Variants in TET1 observed in about 807,000 individuals in gnomAD.
TET1 encodes tet methylcytosine dioxygenase 1.
In TET1, 13 loss-of-function variants were observed where a neutral mutation model predicts 148.7. The ratio of observed to expected loss-of-function variants is 0.09; its 90% CI spans 0.06 to 0.14. TET1 has a LOEUF of 0.14. Ranked by LOEUF, TET1 falls within the 10% of genes least tolerant of loss-of-function variation. TET1 has a pLI of 1.00. For synonymous variants in TET1, 907 were observed against 937.2 expected (o/e 0.97, Z 0.59); for missense variants, 2,182 against 2,553.8 (o/e 0.85, Z 3.14).
At chr10:68,678,791 T>G (rs1242709266) in intron 8 of TET1, among the ~76,000 whole-genome samples, 1 of 152,132 alleles carries the variant, frequency 6.6e-6, no homozygotes, top group Non-Finnish European at 1.5e-5. Context: ...GCTAAGTAAT[T>G]CCCTCTGTAT....
At chr10:68,564,352 T>C (rs982712292) in intron 1 of TET1, among the ~76,000 whole-genome samples, 1 of 152,116 alleles carries the variant, frequency 6.6e-6, no homozygotes, top group Admixed American at 6.5e-5. Context: ...ATTCACCATG[T>C]TGGCCAGGCT....
chr10:68,607,424 T>C (rs540920581), intron 3 of TET1, among the ~76,000 whole-genome samples: 1 of 152,158 alleles, frequency 6.6e-6, no homozygotes, highest in South Asian at 2.1e-4. Flanking sequence ...TTTTTTTGTT[T>C]TTTTTGTTTG....
chr10:68,663,782 G>A (rs1259222010), intron 6 of TET1, among the ~76,000 whole-genome samples: 1 of 152,148 alleles, frequency 6.6e-6, no homozygotes, highest in Admixed American at 6.5e-5. Flanking sequence ...TGGAAGGAGG[G>A]TAATTAAAAA....
intron 3 of TET1, among the ~76,000 whole-genome samples, chr10:68,624,120 G>A (rs1247761392): frequency 3.0e-5 from 4 of 131,708 alleles, no homozygotes; most frequent in African/African-American, 8.4e-5. Context: ...TTTTTGAAAT[G>A]GAGTCTCGAT....
chr10:68,663,466 C>A (rs2055151122), intron 6 of TET1, among the ~76,000 whole-genome samples: 1 of 152,032 alleles, frequency 6.6e-6, no homozygotes, highest in Admixed American at 6.6e-5. Context: ...ATATAAGGAT[C>A]CAATTGTTTT....
chr10:68,603,635 ACGG>A (rs2054086377), intron 3 of TET1, among the ~76,000 whole-genome samples: 1 of 152,066 alleles, frequency 6.6e-6, no homozygotes, highest in South Asian at 2.1e-4. Context: ...GCTGGGTGCG[ACGG>A]TGTGCACTTC....
chr10:68,634,353 A>G (rs1412129895), intron 3 of TET1, among the ~76,000 whole-genome samples: 2 of 152,244 alleles, frequency 1.3e-5, no homozygotes, highest in East Asian at 3.8e-4. Flanking sequence ...TGACACACAA[A>G]TGAATAAAAC....
chr10:68,603,676 A>G (rs557153419), intron 3 of TET1, among the ~76,000 whole-genome samples: 15 of 152,142 alleles, frequency 9.9e-5, no homozygotes, highest in Non-Finnish European at 1.8e-4. Context: ...GAGGCTGAGG[A>G]GGGAGGATTG....
chr10:68,687,882 G>A (rs2055536702), intron 11 of TET1, among the ~76,000 whole-genome samples: 1 of 152,110 alleles, frequency 6.6e-6, no homozygotes, highest in African/African-American at 2.4e-5. Flanking sequence ...GGCTTGATTT[G>A]TTGATTATAA....
rs759890779 is a variant in TET1, at chr10:68,667,259, A to G, written c.4673+3A>G. 14 of 1,608,128 alleles carry G rather than the reference A, an allele frequency of 8.7e-6. No individual in the cohort carries two copies. In the East Asian group the frequency reaches 2.9e-4, roughly 33 times the overall value. ...AGAAGATGCACCCTCAATGAAAAGTAATTAAATCTGTTTTATACTGCCTTA... is the reference window on the plus strand; with the variant it reads ...AGAAGATGCACCCTCAATGAAAAGTGATTAAATCTGTTTTATACTGCCTTA... On this transcript the variant is annotated splice_donor_region_variant and intron_variant, in intron 7 of 11. Transcript: ENST00000373644.
chr10:68,609,761 G>A (rs1022061853), intron 3 of TET1, among the ~76,000 whole-genome samples: 2 of 151,944 alleles, frequency 1.3e-5, no homozygotes, highest in African/African-American at 4.8e-5. Flanking sequence ...TAGCGTGTGA[G>A]AGCATTTTAA....
intron 3 of TET1, among the ~76,000 whole-genome samples, chr10:68,635,107 A>AAT (rs1398390827): frequency 6.7e-6 from 1 of 150,260 alleles, no homozygotes; most frequent in Non-Finnish European, 1.5e-5. Context: ...ATATATATAT[A>AAT]ATATATATAT....
At chr10:68,672,505 A>AAAAAC (rs2055287967) in intron 7 of TET1, among the ~76,000 whole-genome samples, 2 of 148,486 alleles carry the variant, frequency 1.3e-5, no homozygotes, top group African/African-American at 5.0e-5. Context: ...AAAAAAAAAA[A>AAAAAC]AAAAAACACC....
chr10:68,625,841 C>G (rs1016901099), intron 3 of TET1, among the ~76,000 whole-genome samples: 2 of 151,970 alleles, frequency 1.3e-5, no homozygotes, highest in Admixed American at 6.6e-5. Flanking sequence ...AATCTCAGCA[C>G]TTTGGGAGGC....
chr10:68,569,119 A>C (rs568453054), intron 1 of TET1, among the ~76,000 whole-genome samples: 1 of 150,146 alleles, frequency 6.7e-6, no homozygotes, highest in Admixed American at 6.6e-5. Context: ...TGGATTGTTA[A>C]TTGGAATGTG....
At chr10:68,676,458 T>G (rs1257361762) in intron 8 of TET1, among the ~76,000 whole-genome samples, 2 of 150,862 alleles carry the variant, frequency 1.3e-5, no homozygotes, top group African/African-American at 4.9e-5. Context: ...TAATTTTCTG[T>G]ATTTTTAGTA....
chr10:68,610,940 A>G (rs1347203731), intron 3 of TET1, among the ~76,000 whole-genome samples: 1 of 152,180 alleles, frequency 6.6e-6, no homozygotes, highest in Non-Finnish European at 1.5e-5. Context: ...TTGCCCAGCT[A>G]GTAATTTTTT....
intron 2 of TET1, among the ~76,000 whole-genome samples, chr10:68,597,583 CAT>C (rs1356663991): frequency 6.6e-6 from 1 of 152,176 alleles, no homozygotes; most frequent in African/African-American, 2.4e-5. Flanking sequence ...GAAAGTTAAA[CAT>C]AGCCTTATCA....
At chr10:68,668,082 T>C (rs1300296273) in intron 7 of TET1, among the ~76,000 whole-genome samples, 2 of 152,252 alleles carry the variant, frequency 1.3e-5, no homozygotes, top group Non-Finnish European at 2.9e-5. Flanking sequence ...TTTTTTTGTT[T>C]GTTTGTTTTA....
Sources: allele counts gnomAD v4.1 joint callset (sites outside exome capture counted in the v4.1 genomes callset), GRCh38; gene constraint gnomAD v4.1.1; transcripts MANE v1.5; gene names NCBI Gene and HGNC (gene_info 2026-07-23, HGNC 2026-07-21).